Variants in ADA2 observed in about 807,000 individuals in gnomAD.
ADA2 encodes adenosine deaminase CECR1.
In ADA2, 29 loss-of-function variants were observed where a neutral mutation model predicts 44.2. The observed-to-expected ratio is 0.66, with a 90% CI of 0.49 to 0.89. ADA2 has a LOEUF of 0.89. Among genes scored for constraint, ADA2 ranks in the 40% least tolerant of loss-of-function variants. The pLI is 0.00. For synonymous variants in ADA2, 215 were observed against 234.9 expected (o/e 0.92, Z 0.77); for missense variants, 637 against 644.8 (o/e 0.99, Z 0.13).
intron 4 of ADA2, 59 bp from the exon 5 acceptor site, chr22:17,191,869 C>T (rs1215271191): frequency 6.5e-7 from 1 of 1,541,752 alleles, no homozygotes; most frequent in Non-Finnish European, 8.7e-7. Context: ...CCACCCCCTT[C>T]CCAGCCACCC....
At chr22:17,194,648 C>T (rs1431233436) in intron 4 of ADA2, among the ~76,000 whole-genome samples, 1 of 152,070 alleles carries the variant, frequency 6.6e-6, no homozygotes, top group East Asian at 1.9e-4. Context: ...TCACTCTGCT[C>T]GGGCAGTTTC....
intron 1 of ADA2, among the ~76,000 whole-genome samples, chr22:17,218,720 C>A (rs967294727): frequency 2.0e-5 from 3 of 152,206 alleles, no homozygotes; most frequent in African/African-American, 7.2e-5. Flanking sequence ...GTGGTCAAGA[C>A]CTGCCTGGTT....
At chr22:17,181,792 G>C in intron 9 of ADA2, 28 bp downstream of exon 9, 1 of 1,593,956 alleles carries the variant, frequency 6.3e-7, no homozygotes, top group Non-Finnish European at 8.6e-7. Context: ...AAGGAGGCGG[G>C]GGACCTGGGA....
intron 4 of ADA2, chr22:17,199,438 T>TCTTCCCCTCCCTCCCCTCCACTAACCA: frequency 2.0e-6 from 2 of 995,472 alleles, no homozygotes; most frequent in Non-Finnish European, 3.2e-6. Context: ...TCCTCTATCC[T>TCTTCCCCTCCCTCCCCTCCACTAACCA]CTTCCCCTCC....
intron 5 of ADA2, among the ~76,000 whole-genome samples, chr22:17,191,338 CG>C (rs990515630): frequency 7.9e-5 from 12 of 152,200 alleles, no homozygotes; most frequent in African/African-American, 2.7e-4. Flanking sequence ...AAACCAAAAA[CG>C]GGCCAATTAT....
chr22:17,213,460 C>T (rs1045274015), intron 1 of ADA2: 3 of 215,876 alleles, frequency 1.4e-5, no homozygotes, highest in South Asian at 5.9e-5. Context: ...AACAGATCAA[C>T]GGATAAAGAA....
rs766924184 is a variant in ADA2 at position 17,203,669 on chromosome 22, C to A, written c.647G>T (p.Gly216Val). ...GAACACTGGTGCGTAATGGATGAGA[C>A]CAGAGATGGTGAAGAAGATGGTTTC... is the stretch of plus-strand genomic sequence containing the variant. ...KFETIFFTIS[G>V]LIHYAPVFRD... Residue 216 changes from glycine to valine, a missense_variant, in exon 4 of 10, where the codon GGT (glycine) becomes GTT (valine). By Grantham distance (109) the Gly-to-Val change is moderately radical. Transcript: ENST00000399837. The A allele has an allele frequency of 1.2e-6, 2 of 1,613,956 alleles. No homozygotes were observed. Among genetic ancestry groups the A allele is most frequent in the Admixed American group, 3.3e-5 (2 of 59,998 alleles).
At chr22:17,195,603 T>C (rs1458716903) in intron 4 of ADA2, among the ~76,000 whole-genome samples, 2 of 152,162 alleles carry the variant, frequency 1.3e-5, no homozygotes, top group African/African-American at 4.8e-5. Context: ...TCGTCCAGGC[T>C]GGAGTGTGGT....
chr22:17,209,597 A>T lies in ADA2; in HGVS notation c.81T>A (p.Ala27=). ...GCGCCCGTGTTTCATCTATGGATAG[A>T]GCTGAGCCGAAGAAAGACATTGCCA... is the stretch of plus-strand genomic sequence containing the variant. ...LAVAMSFFGS[A]LSIDETRAHL... is the part of the protein sequence containing the mutation. The change falls in exon 2 of 10, where the codon GCT becomes GCA. Residue 27 remains alanine, a synonymous_variant. Transcript: ENST00000399837. 6.2e-7 allele frequency: 1 copy of T among 1,614,090 alleles called. No individual in the cohort carries two copies. The highest frequency in any genetic ancestry group is 8.5e-7 in the Non-Finnish European group (1 of 1,180,034).
chr22:17,201,928 A>G (rs970783736), intron 4 of ADA2, among the ~76,000 whole-genome samples: 1 of 149,642 alleles, frequency 6.7e-6, no homozygotes, highest in Non-Finnish European at 1.5e-5. Flanking sequence ...CACTCTCTCC[A>G]AACTTCCTTC....
At chr22:17,206,487 T>C (rs118021248) in intron 3 of ADA2, among the ~76,000 whole-genome samples, 4,026 of 152,046 alleles carry the variant, frequency 0.026, 77 homozygotes, top group Middle Eastern at 0.1. Flanking sequence ...CAAATAATAA[T>C]AATAATAAAT....
chr22:17,216,769 A>AC (rs373885180), intron 1 of ADA2, among the ~76,000 whole-genome samples: 20,666 of 119,460 alleles, frequency 0.17, 1,701 homozygotes, highest in East Asian at 0.44. Flanking sequence ...AAAAAAAAAA[A>AC]AAACACACAC....
chr22:17,182,564 G>A (rs543371262), intron 8 of ADA2, 40 bp downstream of exon 8: 1 of 1,603,786 alleles, frequency 6.2e-7, no homozygotes, highest in Admixed American at 1.7e-5. Flanking sequence ...GTTGTGGTTA[G>A]GGGAGATCAT....
At chr22:17,183,071 C>T (rs892952825) in intron 7 of ADA2, among the ~76,000 whole-genome samples, 3 of 151,926 alleles carry the variant, frequency 2.0e-5, no homozygotes, top group Admixed American at 6.6e-5. Context: ...GTAGCAAAAC[C>T]GAGTTTTTTG....
intron 7 of ADA2, among the ~76,000 whole-genome samples, chr22:17,183,372 C>T (rs544717782): frequency 1.3e-4 from 20 of 152,090 alleles, no homozygotes; most frequent in African/African-American, 4.6e-4. Flanking sequence ...CGTGAGCCGC[C>T]GCACCTGGCC....
At chr22:17,204,460 A>T (rs1408113566) in intron 3 of ADA2, among the ~76,000 whole-genome samples, 2 of 152,124 alleles carry the variant, frequency 1.3e-5, no homozygotes, top group Non-Finnish European at 2.9e-5. Context: ...CTACTAAAAT[A>T]CAAAAATCAG....
chr22:17,188,488 A>C, intron 6 of ADA2, 41 bp from the exon 7 acceptor site: 1 of 1,415,284 alleles, frequency 7.1e-7, no homozygotes. Flanking sequence ...TGCAGGGCGC[A>C]TGCCTCACTT....
At chr22:17,215,256 G>A (rs2062458237) in intron 1 of ADA2, among the ~76,000 whole-genome samples, 4 of 152,166 alleles carry the variant, frequency 2.6e-5, no homozygotes, top group Admixed American at 2.6e-4. Context: ...ATTTAAAAAA[G>A]AAAGAAAATG....
At chr22:17,190,073 C>T in intron 5 of ADA2, 41 bp from the exon 6 acceptor site, 2 of 1,465,812 alleles carry the variant, frequency 1.4e-6, no homozygotes, top group Non-Finnish European at 1.9e-6. Context: ...GTGCCCAGCA[C>T]CGACAGAGCA....
Sources: gnomAD v4.1 joint callset for allele counts (sites outside exome capture counted in the v4.1 genomes callset) on GRCh38, gnomAD v4.1.1 for gene constraint, MANE v1.5 for transcripts, NCBI Gene and HGNC (gene_info 2026-07-23, HGNC 2026-07-21) for gene names.